ABCG8: variants seen among roughly 807,000 people sequenced by gnomAD.
The protein encoded by ABCG8 is ATP binding cassette subfamily G member 8.
A neutral mutation model predicts 71.3 loss-of-function variants in ABCG8; 81 were observed. The ratio of observed to expected loss-of-function variants is 1.14; its 90% CI spans 0.95 to 1.37. ABCG8 has a LOEUF of 1.37. ABCG8 is among the 40% of genes most tolerant of loss of function. The pLI is 0.00. For missense variants in ABCG8, 1,119 were observed against 866.2 expected, an observed-to-expected ratio of 1.29 and a Z score of -3.66; for synonymous variants, 451 against 354.7, an observed-to-expected ratio of 1.27 and a Z score of -3.05.
Position 43,849,003 on chromosome 2 carries a change from CA to C in ABCG8, c.323-2579del, listed in dbSNP as rs1668829250. Among the ~76,000 whole-genome samples, 5 of 109,900 alleles carry C rather than the reference CA, an allele frequency of 4.5e-5. No homozygotes were observed. The Admixed American group carries it at 6.5e-4, about 14-fold the overall frequency. The allele number at this position is 109,900 out of a possible 152,430, so 72.1% of individuals were successfully genotyped here. On this transcript the variant is annotated intron_variant, in intron 3 of 12. Coordinates refer to ENST00000272286, the MANE Select transcript of ABCG8 (RefSeq NM_022437.3). Reference sequence around the variant, plus strand: ...CACCATTGCACTCCAGCCTGGGCAGCAAGAGCAAAACACTGTCTAAAAAAAA... The same window carrying C: ...CACCATTGCACTCCAGCCTGGGCAGCAGAGCAAAACACTGTCTAAAAAAAA...
intron 3 of ABCG8, among the ~76,000 whole-genome samples, chr2:43,849,725 G>A (rs1668855876): frequency 2.0e-5 from 3 of 152,094 alleles, no homozygotes; most frequent in Admixed American, 6.6e-5. Flanking sequence ...TGTGTCCCTG[G>A]AGCCTGGCTC....
chr2:43,856,468 G>A (rs897320198), intron 6 of ABCG8, among the ~76,000 whole-genome samples: 55 of 151,804 alleles, frequency 3.6e-4, no homozygotes, highest in African/African-American at 1.3e-3. Context: ...CTCACTATCT[G>A]GATAGAACTC....
At chr2:43,841,827 A>C (rs1668588857) in intron 1 of ABCG8, among the ~76,000 whole-genome samples, 1 of 152,176 alleles carries the variant, frequency 6.6e-6, no homozygotes, top group Non-Finnish European at 1.5e-5. Flanking sequence ...TCCAGACTCC[A>C]AATGTCTGAC....
At chr2:43,877,117 G>A (rs563405374) in intron 11 of ABCG8, among the ~76,000 whole-genome samples, 2 of 149,716 alleles carry the variant, frequency 1.3e-5, no homozygotes, top group Non-Finnish European at 3.0e-5. Context: ...GGAGACTGTG[G>A]GAATATGGGG....
intron 6 of ABCG8, among the ~76,000 whole-genome samples, chr2:43,856,462 C>T (rs1420736978): frequency 2.0e-5 from 3 of 152,010 alleles, no homozygotes; most frequent in Non-Finnish European, 4.4e-5. Flanking sequence ...AGAACTCTCA[C>T]TATCTGGATA....
intron 6 of ABCG8, among the ~76,000 whole-genome samples, chr2:43,869,061 C>T (rs554196900): frequency 6.6e-5 from 10 of 152,244 alleles, no homozygotes; most frequent in Non-Finnish European, 1.5e-4. Flanking sequence ...GGATACAACT[C>T]TCACTATCTG....
At chr2:43,848,853 TA>T (rs372760320) in intron 3 of ABCG8, among the ~76,000 whole-genome samples, 5,380 of 146,710 alleles carry the variant, frequency 0.037, 334 homozygotes, top group African/African-American at 0.13. Context: ...CTGTCTCTAC[TA>T]AAAAAAAAAT....
intron 11 of ABCG8, among the ~76,000 whole-genome samples, chr2:43,877,041 C>CCACA (rs1669982237): frequency 7.1e-6 from 1 of 141,276 alleles, no homozygotes; most frequent in African/African-American, 2.7e-5. Flanking sequence ...ATGGGGGAGA[C>CCACA]TGGGAGTATG....
intron 1 of ABCG8, among the ~76,000 whole-genome samples, chr2:43,843,840 TAAC>T (rs1668655060): frequency 6.6e-6 from 1 of 152,052 alleles, no homozygotes; most frequent in South Asian, 2.1e-4. Flanking sequence ...ACTTCGACAA[TAAC>T]AACAACATGA....
chr2:43,839,674 G>A (rs1010374290), intron 1 of ABCG8, among the ~76,000 whole-genome samples: 18 of 151,742 alleles, frequency 1.2e-4, no homozygotes, highest in African/African-American at 3.9e-4. Context: ...CACCCTCCTC[G>A]GCCTCCCAAA....
Position 43,846,285 on chromosome 2 carries a change from A to G in ABCG8, c.296A>G (p.Gln99Arg). 6.2e-7 allele frequency: 1 copy of G among 1,614,206 alleles called. No individual in the cohort carries two copies. The highest frequency in any genetic ancestry group is 8.5e-7 in the Non-Finnish European group (1 of 1,180,022). ...QNLSFKVRSG[Q>R]MLAIIGSSGC... ...CTAAGCTTCAAAGTGAGAAGTGGGC[A>G]GATGCTGGCCATCATAGGGAGCTCA... The change falls in exon 3 of 13, where the codon CAG becomes CGG. Residue 99 changes from glutamine to arginine, a missense_variant. Gln to Arg is a conservative substitution (Grantham distance 43, BLOSUM62 1). Coordinates refer to ENST00000272286, the MANE Select transcript of ABCG8 (RefSeq NM_022437.3).
chr2:43,840,286 C>G (rs989839743), intron 1 of ABCG8, among the ~76,000 whole-genome samples: 3 of 152,208 alleles, frequency 2.0e-5, no homozygotes, highest in Admixed American at 2.0e-4. Context: ...CACATCTGAC[C>G]AGCTCTGCTC....
chr2:43,870,079 A>G (rs1669708924), intron 6 of ABCG8, among the ~76,000 whole-genome samples: 1 of 151,732 alleles, frequency 6.6e-6, no homozygotes, highest in East Asian at 1.9e-4. Flanking sequence ...TTGTCTGCAT[A>G]GACTTCTCAC....
chr2:43,876,085 G>A (rs956286651), intron 11 of ABCG8, among the ~76,000 whole-genome samples: 3 of 152,116 alleles, frequency 2.0e-5, no homozygotes, highest in Non-Finnish European at 4.4e-5. Flanking sequence ...TAGGATCAGG[G>A]CACAGGCTCC....
In ABCG8 at chr2:43,851,630, C is replaced by T. The variant is rs139859350; in HGVS notation, c.369C>T (p.His123=). ...SLLDVITGRG[H]GGKIKSGQIW... is the part of the protein sequence containing the mutation. Reference sequence around the variant, plus strand: ...TAGATGTGATCACTGGCCGAGGTCACGGCGGCAAGATCAAGTCAGGCCAGA... The same window carrying T: ...TAGATGTGATCACTGGCCGAGGTCATGGCGGCAAGATCAAGTCAGGCCAGA... Residue 123 remains histidine, a synonymous_variant, in exon 4 of 13, where the codon CAC becomes CAT. Coordinates refer to ENST00000272286, the MANE Select transcript of ABCG8 (RefSeq NM_022437.3). The T allele has an allele frequency of 4.9e-5, 79 of 1,614,228 alleles. No individual in the cohort carries two copies. The highest frequency in any genetic ancestry group is 6.2e-5 in the Non-Finnish European group (73 of 1,180,046).
In ABCG8 at chr2:43,874,407, G is replaced by A. The variant is rs192448112; in HGVS notation, c.1412G>A (p.Cys471Tyr). Residue 471 changes from cysteine to tyrosine, a missense_variant and splice_region_variant, in exon 10 of 13, where the codon TGT becomes TAT. Cys to Tyr is a radical substitution (Grantham distance 194). Transcript: ENST00000272286. The part of the protein sequence containing the change: ...FNVILDVISK[C>Y]YSERAMLYYE... ...TCTTTTCCTTTCCCTTACTTTTTAG[G>A]TTACTCAGAGAGGGCAATGCTTTAC... is the stretch of plus-strand genomic sequence containing the variant. The A allele has an allele frequency of 1.2e-6, 2 of 1,606,212 alleles. No homozygotes were observed. Among genetic ancestry groups the A allele is most frequent in the East Asian group, 2.2e-5 (1 of 44,802 alleles).
Position 43,875,325 on chromosome 2 carries a change from C to G in ABCG8, c.1668C>G (p.Phe556Leu). 1 of 1,614,188 alleles carries G rather than the reference C, an allele frequency of 6.2e-7. No individual in the cohort carries two copies. The highest frequency in any genetic ancestry group is 8.5e-7 in the Non-Finnish European group (1 of 1,180,050). The change falls in exon 11 of 13, where the codon TTC becomes TTG. Residue 556 changes from phenylalanine (F) to leucine (L), a missense_variant. Transcript: ENST00000272286. ...CCGCCGCGGCCCTGCTCCCCACCTT[C>G]CACATGGCCTCCTTCTTCAGCAATG... ...ALAAAALLPT[F>L]HMASFFSNAL...
intron 8 of ABCG8, among the ~76,000 whole-genome samples, chr2:43,873,154 A>G (rs549589720): frequency 6.6e-6 from 1 of 151,732 alleles, no homozygotes; most frequent in Admixed American, 6.6e-5. Context: ...TTTTGCTACT[A>G]CAAGCAATGA....
At chr2:43,868,171 C>A (rs539700040) in intron 6 of ABCG8, among the ~76,000 whole-genome samples, 2 of 152,184 alleles carry the variant, frequency 1.3e-5, no homozygotes, top group African/African-American at 4.8e-5. Flanking sequence ...AGAATTCTCA[C>A]CCTCTGGATG....
Sources: gnomAD v4.1 joint callset for allele counts (sites outside exome capture counted in the v4.1 genomes callset) on GRCh38, gnomAD v4.1.1 for gene constraint, MANE v1.5 for transcripts, NCBI Gene and HGNC (gene_info 2026-07-23, HGNC 2026-07-21) for gene names.